Variants in ANKRD28 observed in about 807,000 individuals in gnomAD.
ANKRD28 encodes serine/threonine-protein phosphatase 6 regulatory ankyrin repeat subunit A.
In ANKRD28, 44 loss-of-function variants were observed where a neutral mutation model predicts 126.5. The observed-to-expected ratio is 0.35, with a 90% CI of 0.27 to 0.45. The LOEUF (loss-of-function observed/expected upper bound fraction) is 0.45. Ranked by LOEUF, ANKRD28 falls within the 20% of genes least tolerant of loss-of-function variation. The pLI, the probability that ANKRD28 is intolerant of heterozygous loss-of-function variation, is 1.00. For synonymous variants in ANKRD28, 442 were observed against 468.5 expected (o/e 0.94, Z 0.73); for missense variants, 1,110 against 1,316.6 (o/e 0.84, Z 2.43).
intron 2 of ANKRD28, among the ~76,000 whole-genome samples, chr3:15,785,699 A>C (rs1341714978): frequency 6.6e-6 from 1 of 152,044 alleles, no homozygotes; most frequent in East Asian, 1.9e-4. Context: ...CAATCATGTT[A>C]TTTGATTTTA....
intron 17 of ANKRD28, among the ~76,000 whole-genome samples, chr3:15,692,305 C>A (rs886247851): frequency 6.6e-6 from 1 of 151,940 alleles, no homozygotes; most frequent in African/African-American, 2.4e-5. Context: ...AAGAATTAGT[C>A]GGGAATGGTG....
intron 2 of ANKRD28, among the ~76,000 whole-genome samples, chr3:15,793,776 TAA>T (rs1353644186): frequency 6.6e-6 from 1 of 152,092 alleles, no homozygotes; most frequent in African/African-American, 2.4e-5. Context: ...TTAAAACAAA[TAA>T]ATCATGGCCC....
chr3:15,819,231 GC>G (rs1395203423), intron 1 of ANKRD28, among the ~76,000 whole-genome samples: 1 of 152,140 alleles, frequency 6.6e-6, no homozygotes, highest in African/African-American at 2.4e-5. Context: ...TGAGCTGAGA[GC>G]ATGTCACTGC....
chr3:15,743,151 C>T (rs1009931105), intron 4 of ANKRD28, among the ~76,000 whole-genome samples: 23 of 152,056 alleles, frequency 1.5e-4, no homozygotes, highest in African/African-American at 5.3e-4. Context: ...GCAAGATGTG[C>T]TTTGTTAAAC....
rs1405605584 is a variant in ANKRD28 at position 15,854,714 on chromosome 3, G to A, written c.27+4663C>T. Among the ~76,000 whole-genome samples, 2 of 151,846 alleles carry A rather than the reference G, an allele frequency of 1.3e-5. No homozygotes were observed. The highest frequency in any genetic ancestry group is 1.3e-4 in the Admixed American group (2 of 15,260). ...TTCTAAGATCTGTAAGGGTAGAGAT[G>A]GTAGCTACTTCACCCTTGTGTCCCC... On this transcript the variant is annotated intron_variant, in intron 1 of 27. Transcript: ENST00000399451. This position sits in a 1 kb window ranked among gnomAD's most constrained non-coding sequence, Gnocchi z 4.1.
chr3:15,813,121 T>C (rs1399291985), intron 1 of ANKRD28, among the ~76,000 whole-genome samples: 2 of 151,670 alleles, frequency 1.3e-5, no homozygotes, highest in African/African-American at 4.9e-5. Flanking sequence ...CCTAGCACTT[T>C]GGGAGGCTGA....
intron 4 of ANKRD28, 91 bp from the exon 5 acceptor site, chr3:15,737,324 G>T: frequency 9.4e-7 from 1 of 1,061,620 alleles, no homozygotes; most frequent in Non-Finnish European, 1.4e-6. Flanking sequence ...GTATAAATAT[G>T]TATCTACATA....
chr3:15,797,198 AAAAACAAAAAC>A lies in ANKRD28; in HGVS notation c.-688_-678del. On this transcript the variant is annotated 5_prime_UTR_variant, in exon 1 of 28. It removes the in-frame stop codon of an upstream open reading frame in the 5' UTR. Coordinates refer to ENST00000683139, the MANE Select transcript of ANKRD28 (RefSeq NM_001349278.2). ...TCTTTCAGTGTTTGGGAAAGGGGCA[AAAAACAAAAAC>A]AAAAAAAAAAAAACCACTCTGCATT... is the stretch of plus-strand genomic sequence containing the variant. 1.1e-6 allele frequency: 1 copy of A among 923,996 alleles called. No homozygotes were observed. The allele number at this position is 923,996 out of a possible 1,614,324, so 57.2% of individuals were successfully genotyped here. A position where few individuals can be genotyped will look rare whatever the true frequency, so the allele number is the denominator to read the frequency against.
At chr3:15,734,488 G>T (rs955322368) in intron 6 of ANKRD28, among the ~76,000 whole-genome samples, 1 of 152,150 alleles carries the variant, frequency 6.6e-6, no homozygotes. Context: ...AGTTAAAATA[G>T]CAGAAGCACA....
chr3:15,737,935 T>C (rs960843894), intron 4 of ANKRD28, among the ~76,000 whole-genome samples: 28 of 151,544 alleles, frequency 1.8e-4, no homozygotes, highest in African/African-American at 5.3e-4. Flanking sequence ...GACAAGGTTC[T>C]TTTTGCAGTG....
At chr3:15,702,224 T>A (rs2070727038) in intron 14 of ANKRD28, among the ~76,000 whole-genome samples, 1 of 152,236 alleles carries the variant, frequency 6.6e-6, no homozygotes, top group Non-Finnish European at 1.5e-5. Flanking sequence ...CCTTTATCCA[T>A]TGTTCTATGT....
At chr3:15,719,608 G>A (rs1034010603) in intron 8 of ANKRD28, among the ~76,000 whole-genome samples, 3 of 152,026 alleles carry the variant, frequency 2.0e-5, no homozygotes, top group East Asian at 3.8e-4. Context: ...CTCACCTGTC[G>A]CCCAGGCTAG....
chr3:15,720,436 C>T (rs183086227), intron 8 of ANKRD28, among the ~76,000 whole-genome samples: 120 of 152,276 alleles, frequency 7.9e-4, no homozygotes, highest in African/African-American at 2.7e-3. Context: ...ATACAGACAT[C>T]ATACATGTCA....
chr3:15,828,656 T>TG (rs1168548297), intron 1 of ANKRD28, among the ~76,000 whole-genome samples: 121 of 15,590 alleles, frequency 7.8e-3, no homozygotes, highest in Non-Finnish European at 0.011. Context: ...TATTAGTATC[T>TG]GGGGGGGTGG....
Position 15,670,527 on chromosome 3 carries a change from T to G in ANKRD28, c.2995A>C (p.Asn999His), listed in dbSNP as rs780262823. The change falls in exon 28 of 28, where the codon AAT becomes CAT. Residue 999 changes from asparagine (N) to histidine (H), a missense_variant. By Grantham distance (68) the Asn-to-His change is moderately conservative (BLOSUM62 1). Coordinates refer to ENST00000683139, the MANE Select transcript of ANKRD28 (RefSeq NM_001349278.2). ...GCCAGGCAATCAGCCACATCCTTAT[T>G]GGGAGCACAGGCCAAAGCTGGGGTA... ...GYTPALACAP[N>H]KDVADCLALI... The G allele has an allele frequency of 1.2e-6, 2 of 1,613,914 alleles. No homozygotes were observed. The highest frequency in any genetic ancestry group is 1.7e-6 in the Non-Finnish European group (2 of 1,179,834).
chr3:15,774,135 A>G (rs2059149572), intron 2 of ANKRD28, among the ~76,000 whole-genome samples: 1 of 152,218 alleles, frequency 6.6e-6, no homozygotes, highest in African/African-American at 2.4e-5. Context: ...CCTAATATGA[A>G]TATTAACTTA....
intron 2 of ANKRD28, among the ~76,000 whole-genome samples, chr3:15,781,262 ATACT>A (rs898360184): frequency 2.6e-5 from 4 of 152,150 alleles, no homozygotes; most frequent in African/African-American, 9.6e-5. Context: ...GAATTAAAGG[ATACT>A]TAGATAGCTG....
Position 15,669,669 on chromosome 3 carries a change from T to C in ANKRD28, c.*601A>G, listed in dbSNP as rs1281675843. 6.6e-6 allele frequency: 1 copy of C among 152,422 alleles called. No individual in the cohort carries two copies. The highest frequency in any genetic ancestry group is 1.5e-5 in the Non-Finnish European group (1 of 68,034). 9.4% of individuals were successfully genotyped at this position (152,422 alleles called of 1,614,324 possible). ...TACAGCATTGGAAGGCTTTCAGATG[T>C]TTTCTTAAAAAAAAAACAAAACCCA... On this transcript the variant is annotated 3_prime_UTR_variant, in exon 28 of 28. Transcript: ENST00000683139.
Position 15,846,803 on chromosome 3 carries a change from G to A in ANKRD28, c.27+12574C>T, listed in dbSNP as rs1035917785. ...TTCTCTTTGACCCCTCATTTCCAAA[G>A]TTGCTCTGGCAACCACCACCCAGCC... is the stretch of plus-strand genomic sequence containing the variant. On this transcript the variant is annotated intron_variant, in intron 1 of 27. Coordinates refer to the ANKRD28 transcript ENST00000399451. The surrounding 1 kb of genome is among the most constrained non-coding windows in gnomAD (Gnocchi z 5.4). Among the ~76,000 whole-genome samples the A allele has an allele frequency of 2.0e-4, 31 of 152,176 alleles. No homozygotes were observed. The highest frequency in any genetic ancestry group is 4.3e-4 in the Non-Finnish European group (29 of 68,036).
Sources: gnomAD v4.1 joint callset for allele counts (sites outside exome capture counted in the v4.1 genomes callset) on GRCh38, gnomAD v4.1.1 for gene constraint, Gnocchi (gnomAD v3.1) non-coding constraint, MANE v1.5 for transcripts, NCBI Gene and HGNC (gene_info 2026-07-23, HGNC 2026-07-21) for gene names.